SLIT2: variants seen among roughly 807,000 people sequenced by gnomAD.
The protein encoded by SLIT2 is slit guidance ligand 2, also known as slit homolog 2 protein.
SLIT2 carries 41 observed loss-of-function variants against 185.7 expected under a neutral mutation model. The ratio of observed to expected loss-of-function variants is 0.22; its 90% confidence interval spans 0.17 to 0.29. The LOEUF is 0.29. Ranked by LOEUF, SLIT2 falls within the 10% of genes least tolerant of loss-of-function variation. The pLI is 1.00. For synonymous variants in SLIT2, 693 were observed against 680.2 expected (o/e 1.02, Z -0.29); for missense variants, 1,571 against 1,909.0 (o/e 0.82, Z 3.30).
chr4:20,459,695 C>T (rs888507270), intron 4 of SLIT2, among the ~76,000 whole-genome samples: 1 of 152,000 alleles, frequency 6.6e-6, no homozygotes, highest in Non-Finnish European at 1.5e-5. Context: ...CCTGTGTTGC[C>T]TTGATACCAT....
chr4:20,328,578 G>C (rs1719791494), intron 4 of SLIT2, among the ~76,000 whole-genome samples: 1 of 151,514 alleles, frequency 6.6e-6, no homozygotes, highest in Non-Finnish European at 1.5e-5. Flanking sequence ...TAGAATAAGA[G>C]GTTTACAATT....
At chr4:20,463,539 GTGTGTGTA>G (rs1416719308) in intron 4 of SLIT2, among the ~76,000 whole-genome samples, 2 of 143,722 alleles carry the variant, frequency 1.4e-5, no homozygotes, top group African/African-American at 2.6e-5. Flanking sequence ...GTGTGTGTGT[GTGTGTGTA>G]TATGTATATC....
At chr4:20,257,449 T>C (rs939731346) in intron 2 of SLIT2, among the ~76,000 whole-genome samples, 2 of 152,064 alleles carry the variant, frequency 1.3e-5, no homozygotes, top group African/African-American at 4.8e-5. Context: ...CACATTTTGG[T>C]CATTACAAAT....
At chr4:20,471,059 A>C in intron 5 of SLIT2, among the ~76,000 whole-genome samples, 1 of 152,292 alleles carries the variant, frequency 6.6e-6, no homozygotes, top group African/African-American at 2.4e-5. Flanking sequence ...AGAACAATTT[A>C]TTCCCACTAT....
intron 4 of SLIT2, among the ~76,000 whole-genome samples, chr4:20,316,987 A>C (rs1213531306): frequency 6.6e-6 from 1 of 150,876 alleles, no homozygotes; most frequent in Non-Finnish European, 1.5e-5. Context: ...TGTGTAAAAC[A>C]CATGGGATTA....
chr4:20,265,577 A>G (rs899365516), intron 3 of SLIT2, among the ~76,000 whole-genome samples: 4 of 151,972 alleles, frequency 2.6e-5, no homozygotes, highest in African/African-American at 7.2e-5. Context: ...TTAGACATAT[A>G]AAGATCACTC....
intron 4 of SLIT2, among the ~76,000 whole-genome samples, chr4:20,356,296 T>C (rs561578665): frequency 6.6e-6 from 1 of 152,258 alleles, no homozygotes; most frequent in South Asian, 2.1e-4. Flanking sequence ...TTCCTTCCTC[T>C]CCACCCAGGT....
chr4:20,305,705 T>C (rs1717475019), intron 4 of SLIT2, among the ~76,000 whole-genome samples: 2 of 151,210 alleles, frequency 1.3e-5, no homozygotes. Flanking sequence ...AAACCCCATC[T>C]CCACTAAAAA....
intron 29 of SLIT2, among the ~76,000 whole-genome samples, chr4:20,586,829 T>A (rs10030885): frequency 0.15 from 22,770 of 152,032 alleles, 2,689 homozygotes; most frequent in African/African-American, 0.33. Flanking sequence ...TTGTGAAAGG[T>A]TGTTATTAAA....
intron 21 of SLIT2, among the ~76,000 whole-genome samples, chr4:20,543,360 G>T (rs1254139934): frequency 6.6e-6 from 1 of 152,082 alleles, no homozygotes; most frequent in Non-Finnish European, 1.5e-5. Flanking sequence ...GTTGCAGAAT[G>T]GAATTCATTA....
chr4:20,596,846 A>T (rs888331143), intron 32 of SLIT2, among the ~76,000 whole-genome samples, 191 bp downstream of exon 32: 6 of 151,564 alleles, frequency 4.0e-5, no homozygotes, highest in African/African-American at 1.5e-4. Context: ...CAAAATGAAA[A>T]ACAAATATTT....
At chr4:20,425,385 A>T (rs1414311049) in intron 4 of SLIT2, among the ~76,000 whole-genome samples, 6 of 152,154 alleles carry the variant, frequency 3.9e-5, no homozygotes, top group Non-Finnish European at 5.9e-5. Context: ...ATAAATAAAC[A>T]AATAAAACCA....
chr4:20,338,934 T>C (rs946680640), intron 4 of SLIT2, among the ~76,000 whole-genome samples: 1 of 151,398 alleles, frequency 6.6e-6, no homozygotes, highest in Non-Finnish European at 1.5e-5. Flanking sequence ...TCAACAAAAA[T>C]AAATAAAAAT....
intron 4 of SLIT2, among the ~76,000 whole-genome samples, chr4:20,353,569 T>C (rs938665010): frequency 6.6e-6 from 1 of 152,204 alleles, no homozygotes; most frequent in Non-Finnish European, 1.5e-5. Context: ...ACAGGCTGCA[T>C]ACATTATTTA....
At chr4:20,487,500 T>C (rs915618794) in intron 7 of SLIT2, among the ~76,000 whole-genome samples, 2 of 152,222 alleles carry the variant, frequency 1.3e-5, no homozygotes, top group Non-Finnish European at 2.9e-5. Flanking sequence ...TTTGTCTTAC[T>C]AATCAGGTTT....
At chr4:20,315,772 A>G (rs1718522070) in intron 4 of SLIT2, among the ~76,000 whole-genome samples, 1 of 152,092 alleles carries the variant, frequency 6.6e-6, no homozygotes, top group East Asian at 1.9e-4. Context: ...GTAGATGTTT[A>G]GTAAATATTT....
chr4:20,305,090 T>C (rs1023103703), intron 4 of SLIT2, among the ~76,000 whole-genome samples: 1 of 152,334 alleles, frequency 6.6e-6, no homozygotes, highest in African/African-American at 2.4e-5. Context: ...AAATGTTTGC[T>C]GAATGTAATA....
chr4:20,433,438 A>G (rs1242337005), intron 4 of SLIT2, among the ~76,000 whole-genome samples: 1 of 152,178 alleles, frequency 6.6e-6, no homozygotes, highest in Non-Finnish European at 1.5e-5. Context: ...AGATTCCCGG[A>G]GTGTGGTGTG....
chr4:20,310,976 T>C (rs927223434), intron 4 of SLIT2, among the ~76,000 whole-genome samples: 1 of 152,170 alleles, frequency 6.6e-6, no homozygotes, highest in African/African-American at 2.4e-5. Flanking sequence ...CTGTAAACTC[T>C]TGGGCTCAAG....
Sources: gnomAD v4.1 joint callset for allele counts (sites outside exome capture counted in the v4.1 genomes callset) on GRCh38, gnomAD v4.1.1 for gene constraint, MANE v1.5 for transcripts, NCBI Gene and HGNC (gene_info 2026-07-23, HGNC 2026-07-21) for gene names.